The following NBEA variants were observed in gnomAD, a reference collection of about 807,000 sequenced individuals.
NBEA encodes the protein neurobeachin.
Under a neutral mutation model 343.4 loss-of-function variants are expected in NBEA, and 44 were observed. The observed-to-expected ratio is 0.13, with a 90% CI of 0.10 to 0.16. The LOEUF is 0.16. Among genes scored for constraint, NBEA ranks in the 10% least tolerant of loss-of-function variants. The probability of loss-of-function intolerance (pLI) is 1.00; values close to 1 mark genes in which losing one functional copy is unlikely to be tolerated. For missense variants in NBEA, 2,555 were observed against 3,631.3 expected (o/e 0.70, Z 7.62); for synonymous variants, 1,175 against 1,238.7 (o/e 0.95, Z 1.08).
chr13:35,307,192 C>G (rs964338614), intron 35 of NBEA, among the ~76,000 whole-genome samples: 1 of 151,954 alleles, frequency 6.6e-6, no homozygotes, highest in African/African-American at 2.4e-5. Context: ...TTTGTAACAT[C>G]TCTTATTTTT....
At chr13:35,413,004 C>G (rs1242622536) in intron 38 of NBEA, among the ~76,000 whole-genome samples, 1 of 152,046 alleles carries the variant, frequency 6.6e-6, no homozygotes, top group African/African-American at 2.4e-5. Context: ...TAGAAAGGTA[C>G]CTAAACACAA....
At chr13:35,246,521 T>G (rs2031215700) in intron 34 of NBEA, among the ~76,000 whole-genome samples, 1 of 152,168 alleles carries the variant, frequency 6.6e-6, no homozygotes, top group Non-Finnish European at 1.5e-5. Flanking sequence ...GGATGTGGCT[T>G]CCTGCTAGCC....
intron 41 of NBEA, among the ~76,000 whole-genome samples, chr13:35,510,309 A>G (rs9530657): frequency 0.85 from 128,845 of 152,222 alleles, 54,718 homozygotes; most frequent in Admixed American, 0.88. Flanking sequence ...ATGCAGCCTC[A>G]TACAACCGCT....
intron 41 of NBEA, among the ~76,000 whole-genome samples, chr13:35,500,845 T>C (rs1484384969): frequency 6.6e-6 from 1 of 151,830 alleles, no homozygotes; most frequent in Admixed American, 6.6e-5. Flanking sequence ...GAAAACAGAG[T>C]TCACTATAGT....
chr13:35,486,941 T>C (rs2076324104), intron 41 of NBEA, among the ~76,000 whole-genome samples: 1 of 152,020 alleles, frequency 6.6e-6, no homozygotes. Flanking sequence ...TAATGGGATA[T>C]ACCTTTATAA....
At chr13:35,217,920 A>G (rs1193580849) in intron 33 of NBEA, among the ~76,000 whole-genome samples, 1 of 152,096 alleles carries the variant, frequency 6.6e-6, no homozygotes, top group Non-Finnish European at 1.5e-5. Flanking sequence ...ATTGCTATTC[A>G]GCCTAAGACT....
intron 38 of NBEA, among the ~76,000 whole-genome samples, chr13:35,426,826 T>A (rs1490394926): frequency 2.0e-5 from 3 of 152,232 alleles, no homozygotes; most frequent in Non-Finnish European, 2.9e-5. Context: ...CCCATATTTC[T>A]TGGAGGCTTT....
intron 41 of NBEA, among the ~76,000 whole-genome samples, chr13:35,496,806 G>A (rs1405866175): frequency 6.6e-6 from 1 of 151,874 alleles, no homozygotes; most frequent in Non-Finnish European, 1.5e-5. Context: ...CACCTCTACC[G>A]CTCCCAGGAC....
At chr13:35,054,642 TC>T (rs1231589643) in intron 6 of NBEA, among the ~76,000 whole-genome samples, 4 of 148,258 alleles carry the variant, frequency 2.7e-5, no homozygotes, top group African/African-American at 9.8e-5. Flanking sequence ...TGTTTTCTTT[TC>T]TTTTTTTTTT....
intron 35 of NBEA, among the ~76,000 whole-genome samples, chr13:35,304,018 G>A (rs1219300508): frequency 6.6e-6 from 1 of 152,136 alleles, no homozygotes; most frequent in Non-Finnish European, 1.5e-5. Context: ...ATGAAATAGT[G>A]ATAGTTTTCT....
At chr13:35,526,357 A>T (rs1034978797) in intron 41 of NBEA, among the ~76,000 whole-genome samples, 1 of 152,256 alleles carries the variant, frequency 6.6e-6, no homozygotes, top group Non-Finnish European at 1.5e-5. Flanking sequence ...ACATTAAAAA[A>T]ATACAAGTTT....
chr13:35,515,895 C>T lies in NBEA; in HGVS notation c.6586-34582C>T, dbSNP rs371487962. 2.0e-5 allele frequency among the ~76,000 whole-genome samples: 3 copies of T among 152,088 alleles called. No individual in the cohort carries two copies. In the East Asian group the frequency reaches 5.8e-4, roughly 29 times the overall value. On this transcript the variant is annotated intron_variant, in intron 41 of 58. Coordinates refer to ENST00000379939, the MANE Select transcript of NBEA (RefSeq NM_001385012.1). ...TCTCATTGGGCCAATTACTCCAAAG[C>T]ACATATTATATCACACACAATAAGA...
At chr13:35,495,449 A>G (rs140212029) in intron 41 of NBEA, among the ~76,000 whole-genome samples, 5 of 152,186 alleles carry the variant, frequency 3.3e-5, no homozygotes, top group African/African-American at 9.6e-5. Context: ...CCCGCTTTCA[A>G]TAATGAAGAC....
intron 10 of NBEA, among the ~76,000 whole-genome samples, chr13:35,092,686 A>G (rs2065147285): frequency 6.6e-6 from 1 of 152,094 alleles, no homozygotes; most frequent in Admixed American, 6.6e-5. Flanking sequence ...AGAATAAAAA[A>G]TAGCTGTTGT....
At chr13:35,537,564 G>A (rs1003440560) in intron 41 of NBEA, among the ~76,000 whole-genome samples, 13 of 152,182 alleles carry the variant, frequency 8.5e-5, no homozygotes, top group Admixed American at 5.9e-4. Flanking sequence ...GGTAAGTGCT[G>A]TGAAGAGAAC....
intron 36 of NBEA, among the ~76,000 whole-genome samples, chr13:35,331,039 A>G (rs965769691): frequency 6.6e-6 from 1 of 152,084 alleles, no homozygotes; most frequent in African/African-American, 2.4e-5. Flanking sequence ...TGAAGAATTG[A>G]TATGAATTCC....
At chr13:35,269,718 TGAA>T (rs2033979599) in intron 34 of NBEA, among the ~76,000 whole-genome samples, 1 of 152,180 alleles carries the variant, frequency 6.6e-6, no homozygotes, top group African/African-American at 2.4e-5. Context: ...GTGTAACTGT[TGAA>T]GATTTTATTC....
At chr13:35,113,280 CATG>C (rs1188719146) in intron 13 of NBEA, among the ~76,000 whole-genome samples, 1 of 152,042 alleles carries the variant, frequency 6.6e-6, no homozygotes, top group Non-Finnish European at 1.5e-5. Context: ...CAAGGAGGCA[CATG>C]ATGTTGAGTT....
intron 39 of NBEA, among the ~76,000 whole-genome samples, chr13:35,442,435 T>A (rs1434944767): frequency 6.6e-6 from 1 of 152,146 alleles, no homozygotes; most frequent in Non-Finnish European, 1.5e-5. Flanking sequence ...TGTCGAGTAA[T>A]ATCCCGTCTA....
Sources: gnomAD v4.1 joint callset for allele counts (sites outside exome capture counted in the v4.1 genomes callset) on GRCh38, gnomAD v4.1.1 for gene constraint, MANE v1.5 for transcripts, NCBI Gene and HGNC (gene_info 2026-07-23, HGNC 2026-07-21) for gene names.